SEC14L5: variants seen among roughly 807,000 people sequenced by gnomAD.
SEC14L5 encodes SEC14 like lipid binding 5.
A neutral mutation model predicts 84.6 loss-of-function variants in SEC14L5; 96 were observed. That is an observed-to-expected ratio of 1.13 (90% CI 0.96 to 1.34). The LOEUF (loss-of-function observed/expected upper bound fraction) is 1.34. Among genes scored for constraint, SEC14L5 ranks in the 40% most tolerant of loss-of-function variants. The pLI is 0.00. For synonymous variants in SEC14L5, 546 were observed against 383.4 expected, an observed-to-expected ratio of 1.42 and a Z score of -4.95; for missense variants, 1,224 against 942.5, an observed-to-expected ratio of 1.30 and a Z score of -3.91.
At chr16:5,004,146 G>A (rs146876589) in intron 11 of SEC14L5, among the ~76,000 whole-genome samples, 2 of 152,226 alleles carry the variant, frequency 1.3e-5, no homozygotes, top group Non-Finnish European at 2.9e-5. Context: ...CAAAAGGGAC[G>A]ACAGCACCTG....
rs1481800063 is a variant in SEC14L5, at chr16:4,983,531, T to C, written c.64-4026T>C. Among the ~76,000 whole-genome samples, 4 of 150,032 alleles carry C rather than the reference T, an allele frequency of 2.7e-5. No homozygotes were observed. The East Asian group carries it at 7.7e-4, about 29-fold the overall frequency. Reference sequence around the variant, plus strand: ...ATATGCACACTATATAAATTGTGTATATTTATATTAACATATATTCATATA... The same window carrying C: ...ATATGCACACTATATAAATTGTGTACATTTATATTAACATATATTCATATA... On this transcript the variant is annotated intron_variant, in intron 2 of 15. Transcript: ENST00000251170.
At chr16:4,959,896 G>A (rs1182747969) in intron 2 of SEC14L5, among the ~76,000 whole-genome samples, 2 of 151,428 alleles carry the variant, frequency 1.3e-5, no homozygotes, top group East Asian at 3.9e-4. Flanking sequence ...TGGAGTCGGG[G>A]CTGAGATCCC....
At chr16:4,977,446 C>CAAAA (rs762657125) in intron 2 of SEC14L5, among the ~76,000 whole-genome samples, 50 of 66,144 alleles carry the variant, frequency 7.6e-4, no homozygotes, top group East Asian at 2.1e-3. Flanking sequence ...GACTCCGTCT[C>CAAAA]AAAAAAAAAA....
chr16:4,991,095 G>A (rs939182385), intron 5 of SEC14L5, among the ~76,000 whole-genome samples, 200 bp downstream of exon 5: 1 of 150,164 alleles, frequency 6.7e-6, no homozygotes, highest in Admixed American at 6.7e-5. Flanking sequence ...CCTAATCCTC[G>A]CTCTGGCACC....
intron 2 of SEC14L5, among the ~76,000 whole-genome samples, chr16:4,965,521 T>C (rs929097781): frequency 1.4e-4 from 21 of 150,164 alleles, no homozygotes; most frequent in African/African-American, 3.2e-4. Flanking sequence ...ATTAGCCGGG[T>C]GTGGTGGCGG....
At position 5,011,293 on chromosome 16, in the gene SEC14L5, G is replaced by C. The variant is rs553243910; in HGVS notation, c.1979+20G>C. The C allele has an allele frequency of 1.2e-6, 2 of 1,607,088 alleles. No homozygotes were observed. The highest frequency in any genetic ancestry group is 1.7e-6 in the Non-Finnish European group (2 of 1,174,648). ...CTTCAGGTAGGAGGGCTCCGGAGCG[G>C]GGTCCTGGGCAGGAAGGACCCTGGG... On this transcript the variant is annotated intron_variant, in intron 15 of 15. Coordinates refer to ENST00000251170, the MANE Select transcript of SEC14L5 (RefSeq NM_014692.2).
Position 4,988,129 on chromosome 16 carries a change from C to T in SEC14L5, c.214-20C>T. The T allele has an allele frequency of 6.2e-7, 1 of 1,610,046 alleles. No homozygotes were observed. Among genetic ancestry groups the T allele is most frequent in the Non-Finnish European group, 8.5e-7 (1 of 1,176,922 alleles). On this transcript the variant is annotated intron_variant, in intron 3 of 15. Transcript: ENST00000251170. ...CCACGCCGCCCACCCACCTCCGCCT[C>T]CCCGCCCCTTCCCTTGCAGATCGCA...
chr16:4,992,225 T>A (rs1265623999), intron 6 of SEC14L5, among the ~76,000 whole-genome samples, 195 bp downstream of exon 6: 3 of 152,190 alleles, frequency 2.0e-5, no homozygotes, highest in Non-Finnish European at 4.4e-5. Flanking sequence ...AGAGCAGAAC[T>A]CATTTGTTTC....
At chr16:4,962,012 C>T (rs897101245) in intron 2 of SEC14L5, among the ~76,000 whole-genome samples, 1 of 151,884 alleles carries the variant, frequency 6.6e-6, no homozygotes, top group African/African-American at 2.4e-5. Flanking sequence ...CACTTTTCAT[C>T]TTCATGACAA....
intron 11 of SEC14L5, among the ~76,000 whole-genome samples, chr16:5,003,778 C>T (rs1026272381): frequency 2.6e-5 from 4 of 152,262 alleles, no homozygotes; most frequent in Non-Finnish European, 5.9e-5. Flanking sequence ...GCAATTGTCA[C>T]CACTAGCCAA....
At chr16:5,008,240 ATC>A (rs1955755973) in intron 13 of SEC14L5, among the ~76,000 whole-genome samples, 179 bp from the exon 14 acceptor site, 1 of 152,028 alleles carries the variant, frequency 6.6e-6, no homozygotes, top group Non-Finnish European at 1.5e-5. Context: ...TATGCCAGTG[ATC>A]TGTTGCAGGC....
chr16:5,006,279 A>C (rs1955731370), intron 12 of SEC14L5, among the ~76,000 whole-genome samples: 1 of 152,232 alleles, frequency 6.6e-6, no homozygotes, highest in Non-Finnish European at 1.5e-5. Flanking sequence ...GGGTCCTTCA[A>C]ACATAGTGAG....
chr16:4,962,138 C>G (rs1955129498), intron 2 of SEC14L5, among the ~76,000 whole-genome samples: 1 of 144,630 alleles, frequency 6.9e-6, no homozygotes, highest in African/African-American at 2.6e-5. Context: ...TGCACTCGAG[C>G]CTGGGCAACA....
In SEC14L5 at chr16:5,015,353, CCT is replaced by C. The variant is rs1955863575; in HGVS notation, c.*384_*385del. On this transcript the variant is annotated 3_prime_UTR_variant, in exon 16 of 16. Transcript: ENST00000251170. ...ATCACTATCAGGTGCCCTTCTCCTC[CCT>C]GCAGCTTGCCTGCATAAGAGAGCCT... The C allele has an allele frequency of 2.0e-5, 4 of 203,944 alleles. No homozygotes were observed. The highest frequency in any genetic ancestry group is 4.6e-5 in the African/African-American group (2 of 43,636). The allele number at this position is 203,944 out of a possible 1,614,324, so 12.6% of individuals were successfully genotyped here.
chr16:4,998,250 G>A (rs1310215025), intron 8 of SEC14L5, among the ~76,000 whole-genome samples: 8 of 151,100 alleles, frequency 5.3e-5, no homozygotes, highest in African/African-American at 7.3e-5. Context: ...CAAGTGATCC[G>A]CCCGCCTTGG....
At chr16:4,961,511 T>G (rs1401044795) in intron 2 of SEC14L5, among the ~76,000 whole-genome samples, 2 of 152,062 alleles carry the variant, frequency 1.3e-5, no homozygotes, top group South Asian at 2.1e-4. Context: ...GTATTTTCAG[T>G]ATAGACGGGG....
chr16:4,969,860 C>G (rs1462870687), intron 2 of SEC14L5, among the ~76,000 whole-genome samples: 1 of 150,644 alleles, frequency 6.6e-6, no homozygotes, highest in African/African-American at 2.4e-5. Context: ...GGTTGTCACC[C>G]AGGCTGGGGT....
chr16:4,998,026 CAG>C (rs1352766119), intron 8 of SEC14L5, among the ~76,000 whole-genome samples: 2 of 122,818 alleles, frequency 1.6e-5, no homozygotes, highest in Non-Finnish European at 3.3e-5. Context: ...TTTTTTGAGA[CAG>C]AGTCTGGCTC....
chr16:4,976,676 T>C (rs1236939094), intron 2 of SEC14L5, among the ~76,000 whole-genome samples: 1 of 152,214 alleles, frequency 6.6e-6, no homozygotes, highest in Non-Finnish European at 1.5e-5. Context: ...GCAGCCCTGC[T>C]TGGTCCCTGC....
Sources: allele counts gnomAD v4.1 joint callset (sites outside exome capture counted in the v4.1 genomes callset), GRCh38; gene constraint gnomAD v4.1.1; transcripts MANE v1.5; gene names NCBI Gene and HGNC (gene_info 2026-07-23, HGNC 2026-07-21).